Variants in STX8 observed in about 807,000 individuals in gnomAD.
STX8 encodes syntaxin-8.
A neutral mutation model predicts 37.5 loss-of-function variants in STX8; 23 were observed. The observed-to-expected ratio is 0.61, with a 90% CI of 0.44 to 0.87. The LOEUF is 0.87. Among genes scored for constraint, STX8 ranks in the 40% least tolerant of loss-of-function variants. STX8 has a pLI of 0.00. For missense variants in STX8, 313 were observed against 284.7 expected, an observed-to-expected ratio of 1.10 and a Z score of -0.71; for synonymous variants, 115 against 99.1, an observed-to-expected ratio of 1.16 and a Z score of -0.95.
At position 9,298,797 on chromosome 17, in the gene STX8, A is replaced by T. The variant is rs143006420; in HGVS notation, c.644-48152T>A. On this transcript the variant is annotated intron_variant, in intron 7 of 7. Coordinates refer to ENST00000306357, the MANE Select transcript of STX8 (RefSeq NM_004853.3). Reference sequence around the variant, plus strand: ...ACTGCACTCCAGTCTAGGCAACAAGAGCGAAACTCTGTCTCAAAAACAAAC... The same window carrying T: ...ACTGCACTCCAGTCTAGGCAACAAGTGCGAAACTCTGTCTCAAAAACAAAC... Among the ~76,000 whole-genome samples, 642 of 152,308 alleles carry T rather than the reference A, an allele frequency of 4.2e-3. 5 individuals are homozygous for T. Among genetic ancestry groups the T allele is most frequent in the African/African-American group, 0.015 (612 of 41,566 alleles).
intron 1 of STX8, 60 bp downstream of exon 1, chr17:9,575,732 C>G (rs773773738): frequency 9.5e-5 from 147 of 1,541,930 alleles, no homozygotes; most frequent in Non-Finnish European, 1.3e-4. Context: ...TGCCTGCTCT[C>G]CGGAAGCCCG....
intron 5 of STX8, among the ~76,000 whole-genome samples, chr17:9,500,420 AT>A (rs1904568660): frequency 6.6e-6 from 1 of 152,174 alleles, no homozygotes; most frequent in African/African-American, 2.4e-5. Context: ...TTCCCAAGCC[AT>A]GGTGTGGGGA....
At chr17:9,263,392 T>C (rs1024281855) in intron 7 of STX8, among the ~76,000 whole-genome samples, 1 of 150,782 alleles carries the variant, frequency 6.6e-6, no homozygotes, top group Non-Finnish European at 1.5e-5. Context: ...AGGCAGGAGA[T>C]CGCTTGAACC....
intron 7 of STX8, among the ~76,000 whole-genome samples, chr17:9,346,222 G>A (rs984263645): frequency 1.3e-5 from 2 of 152,108 alleles, no homozygotes; most frequent in Non-Finnish European, 2.9e-5. Context: ...GTAACACAGA[G>A]GGCATTTTCA....
chr17:9,281,658 G>T (rs1413984041), intron 7 of STX8, among the ~76,000 whole-genome samples: 1 of 152,168 alleles, frequency 6.6e-6, no homozygotes, highest in Non-Finnish European at 1.5e-5. Context: ...AAAAGGCTGG[G>T]CACAGTGGCT....
chr17:9,298,529 G>A (rs960423000), intron 7 of STX8, among the ~76,000 whole-genome samples: 2 of 151,916 alleles, frequency 1.3e-5, no homozygotes, highest in Non-Finnish European at 1.5e-5. Context: ...CAAAAAAACC[G>A]GGCCAGCCAT....
intron 6 of STX8, 73 bp from the exon 7 acceptor site, chr17:9,378,726 G>T: frequency 8.8e-7 from 1 of 1,133,742 alleles, no homozygotes; most frequent in South Asian, 1.2e-5. Flanking sequence ...AGCTGTGGTT[G>T]TTCATCCTAG....
intron 6 of STX8, among the ~76,000 whole-genome samples, 198 bp downstream of exon 6, chr17:9,491,631 T>C (rs1396405972): frequency 6.6e-6 from 1 of 152,178 alleles, no homozygotes; most frequent in Admixed American, 6.6e-5. Flanking sequence ...GGAAAATTTT[T>C]CACCAAATTT....
At chr17:9,412,932 C>T (rs970121244) in intron 6 of STX8, among the ~76,000 whole-genome samples, 5 of 152,014 alleles carry the variant, frequency 3.3e-5, no homozygotes, top group Non-Finnish European at 7.4e-5. Flanking sequence ...TGAGAATTTC[C>T]GAACATGATT....
In STX8 at chr17:9,318,423, C is replaced by A. The variant is rs192860842; in HGVS notation, c.643+60129G>T. ...AAGAAACTAGAAAAAAATATTGTAC[C>A]CATAAAAATAATGACAGAATCCAAT... On this transcript the variant is annotated intron_variant, in intron 7 of 7. Coordinates refer to ENST00000306357, the MANE Select transcript of STX8 (RefSeq NM_004853.3). Among the ~76,000 whole-genome samples, 222 of 151,986 alleles carry A rather than the reference C, an allele frequency of 1.5e-3. 1 individual carries two copies. Among genetic ancestry groups the A allele is most frequent in the African/African-American group, 4.9e-3 (202 of 41,450 alleles).
At chr17:9,387,204 G>T (rs1041430790) in intron 6 of STX8, among the ~76,000 whole-genome samples, 1 of 152,186 alleles carries the variant, frequency 6.6e-6, no homozygotes. Flanking sequence ...TCCTAAAAAC[G>T]TGATGGGAGG....
At chr17:9,388,010 G>C (rs1401133059) in intron 6 of STX8, among the ~76,000 whole-genome samples, 2 of 150,558 alleles carry the variant, frequency 1.3e-5, no homozygotes, top group African/African-American at 4.9e-5. Context: ...CGAAAACGAA[G>C]TTTTTCATTT....
chr17:9,379,721 C>T (rs901715515), intron 6 of STX8, among the ~76,000 whole-genome samples: 10 of 152,116 alleles, frequency 6.6e-5, no homozygotes, highest in African/African-American at 9.7e-5. Context: ...ATAATCCCAG[C>T]ACTTTGGGAG....
Position 9,347,031 on chromosome 17 carries a change from G to A in STX8, c.643+31521C>T, listed in dbSNP as rs528740682. 2.1e-3 allele frequency among the ~76,000 whole-genome samples: 315 copies of A among 152,106 alleles called. 3 individuals carry two copies. The highest frequency in any genetic ancestry group is 7.4e-3 in the African/African-American group (306 of 41,494). On this transcript the variant is annotated intron_variant, in intron 7 of 7. Transcript: ENST00000306357. ...AATCCCAGTTACTCGGGAGGCTGAG[G>A]CAGGAGAATCGCTTAAACCCAGGAG...
intron 1 of STX8, 104 bp downstream of exon 1, chr17:9,575,688 T>C: frequency 2.8e-6 from 4 of 1,407,810 alleles, no homozygotes; most frequent in Non-Finnish European, 3.9e-6. Flanking sequence ...CCTCCCCTCA[T>C]CCCGAAAGGC....
Position 9,314,875 on chromosome 17 carries a change from G to A in STX8, c.643+63677C>T, listed in dbSNP as rs372008192. On this transcript the variant is annotated intron_variant, in intron 7 of 7. Transcript: ENST00000306357. Reference sequence around the variant, plus strand: ...TCCCAGCACTTTGGGAGGCCGAGGCGGGCAGATCACGAGGTCAAGAGATCG... The same window carrying A: ...TCCCAGCACTTTGGGAGGCCGAGGCAGGCAGATCACGAGGTCAAGAGATCG... Among the ~76,000 whole-genome samples the A allele has an allele frequency of 2.2e-3, 330 of 150,284 alleles. 3 individuals are homozygous for A. Among genetic ancestry groups the A allele is most frequent in the African/African-American group, 7.7e-3 (315 of 41,058 alleles).
intron 7 of STX8, among the ~76,000 whole-genome samples, chr17:9,268,298 A>AAG (rs1181249508): frequency 9.2e-5 from 14 of 151,524 alleles, no homozygotes; most frequent in Middle Eastern, 3.4e-3. Context: ...AAAAAAAAAA[A>AAG]AGAGAGAGAG....
chr17:9,483,963 G>C (rs1906463622), intron 6 of STX8, among the ~76,000 whole-genome samples: 1 of 152,164 alleles, frequency 6.6e-6, no homozygotes, highest in South Asian at 2.1e-4. Context: ...AGCTCCTACA[G>C]TGGGGCTGAA....
chr17:9,343,999 T>C (rs1441549000), intron 7 of STX8, among the ~76,000 whole-genome samples: 2 of 152,172 alleles, frequency 1.3e-5, no homozygotes. Flanking sequence ...GAGGCCCAAG[T>C]ACCAGGAATT....
Sources: allele counts gnomAD v4.1 joint callset (sites outside exome capture counted in the v4.1 genomes callset), GRCh38; gene constraint gnomAD v4.1.1; transcripts MANE v1.5; gene names NCBI Gene and HGNC (gene_info 2026-07-23, HGNC 2026-07-21).